The following CLIC5 variants were observed in gnomAD, a reference collection of about 807,000 sequenced individuals.
The protein encoded by CLIC5 is CLIC family member 5.
CLIC5 carries 20 observed loss-of-function variants against 24.7 expected under a neutral mutation model. The ratio of observed to expected loss-of-function variants is 0.81; its 90% CI spans 0.57 to 1.18. CLIC5 has a LOEUF of 1.18. CLIC5 is among the 50% of genes most tolerant of loss of function. CLIC5 has a pLI of 0.00. For missense variants in CLIC5, 341 were observed against 326.1 expected (o/e 1.05, Z -0.35); for synonymous variants, 159 against 135.6 (o/e 1.17, Z -1.20).
chr6:46,041,409 A>G (rs1767804234), intron 1 of CLIC5, among the ~76,000 whole-genome samples: 2 of 152,198 alleles, frequency 1.3e-5, no homozygotes, highest in Admixed American at 6.5e-5. Flanking sequence ...ACTATACCTC[A>G]GTCCAAATAA....
At chr6:45,994,261 C>T (rs1766046182) in intron 1 of CLIC5, among the ~76,000 whole-genome samples, 3 of 152,088 alleles carry the variant, frequency 2.0e-5, no homozygotes, top group African/African-American at 2.4e-5. Flanking sequence ...TGATGATAGA[C>T]TGGATAAAGA....
chr6:46,017,955 A>C (rs902957642), upstream of CLIC5, among the ~76,000 whole-genome samples: 1 of 152,222 alleles, frequency 6.6e-6, no homozygotes, highest in Non-Finnish European at 1.5e-5. Context: ...ATTATAACTT[A>C]ATCAAGGTGA....
intron 1 of CLIC5, among the ~76,000 whole-genome samples, chr6:45,998,386 T>C (rs977622761): frequency 4.6e-5 from 7 of 152,124 alleles, no homozygotes; most frequent in Non-Finnish European, 8.8e-5. Context: ...ATCAAGGGAA[T>C]GATTTGTCAG....
chr6:45,941,663 A>G lies in CLIC5; in HGVS notation c.300-10T>C. ...AGCCAGTTTGGGGTACCTGGAATGG[A>G]GGATGCAGTGTTCTGTGAATCAGTA... On this transcript the variant is annotated splice_polypyrimidine_tract_variant and intron_variant, in intron 3 of 5. Coordinates refer to ENST00000339561, the MANE Select transcript of CLIC5 (RefSeq NM_016929.5). 6.2e-7 allele frequency: 1 copy of G among 1,601,338 alleles called. No homozygotes were observed. The highest frequency in any genetic ancestry group is 8.6e-7 in the Non-Finnish European group (1 of 1,168,430).
At chr6:45,895,053 C>T (rs1053651829), downstream of CLIC5, among the ~76,000 whole-genome samples, 2 of 152,024 alleles carry the variant, frequency 1.3e-5, no homozygotes, top group African/African-American at 4.8e-5. Context: ...TCCTATCTCA[C>T]TAGAAAAAGT....
chr6:46,073,084 C>A (rs1453147675), intron 1 of CLIC5, among the ~76,000 whole-genome samples: 1 of 152,140 alleles, frequency 6.6e-6, no homozygotes, highest in Non-Finnish European at 1.5e-5. Flanking sequence ...ATTCTTGGCA[C>A]AGTGCTAAGA....
rs79157994 is a variant in CLIC5 at position 45,912,191 on chromosome 6, G to A, written c.588+2037C>T. 0.011 allele frequency: 10,385 copies of A among 986,552 alleles called. 526 individuals are homozygous for A. The African/African-American group carries it at 0.12, about 12-fold the overall frequency. The allele number at this position is 986,552 out of a possible 1,614,324, so 61.1% of individuals were successfully genotyped here. A position where few individuals can be genotyped will look rare whatever the true frequency, so the allele number is the denominator to read the frequency against. On this transcript the variant is annotated intron_variant, in intron 5 of 5. Transcript: ENST00000339561. ...GGAGGCCTGACTTGGCTTCCCCTTC[G>A]CTCTTTGTGAACTTTAGAGGTTTGC...
At chr6:46,066,158 T>C (rs1048160016) in intron 1 of CLIC5, among the ~76,000 whole-genome samples, 4 of 152,176 alleles carry the variant, frequency 2.6e-5, no homozygotes, top group Non-Finnish European at 5.9e-5. Context: ...CTATCTTTTG[T>C]ACTTTTCAAA....
the CLIC5 span, among the ~76,000 whole-genome samples, chr6:46,111,892 GT>G: frequency 6.6e-6 from 1 of 152,098 alleles, no homozygotes; most frequent in Admixed American, 6.6e-5. Context: ...ATAAAGAGAA[GT>G]TTCCCTGCAC....
upstream of CLIC5, among the ~76,000 whole-genome samples, chr6:46,020,624 T>C (rs1343889474): frequency 6.6e-6 from 1 of 150,824 alleles, no homozygotes; most frequent in Non-Finnish European, 1.5e-5. Flanking sequence ...ATAGAGAAAA[T>C]CAATAATACT....
intron 1 of CLIC5, among the ~76,000 whole-genome samples, chr6:45,962,571 A>G (rs776208384): frequency 7.2e-5 from 11 of 151,992 alleles, no homozygotes; most frequent in Admixed American, 2.0e-4. Context: ...CCAAGTTGAT[A>G]TATAAAGTTA....
At chr6:46,121,514 C>T in the CLIC5 span, among the ~76,000 whole-genome samples, 2 of 152,196 alleles carry the variant, frequency 1.3e-5, no homozygotes, top group Non-Finnish European at 2.9e-5. Context: ...TAGGAAGAAA[C>T]TGCATCAACT....
chr6:45,941,717 A>G, intron 3 of CLIC5, 64 bp from the exon 4 acceptor site: 1 of 1,204,090 alleles, frequency 8.3e-7, no homozygotes, highest in Non-Finnish European at 1.2e-6. Flanking sequence ...GGGTGAGCCT[A>G]TCCCTATCAT....
chr6:46,011,083 GA>G (rs955869635), intron 1 of CLIC5, among the ~76,000 whole-genome samples: 8 of 152,184 alleles, frequency 5.3e-5, no homozygotes, highest in Admixed American at 6.5e-5. Context: ...CTCAATAAAT[GA>G]AAGACTAGTC....
chr6:45,901,311 T>A lies in CLIC5; in HGVS notation c.*1777A>T, dbSNP rs1331406576. ...CCTTTTCAAAGCTTTCTCAGGCTTA[T>A]AAAGTGTCCTACTGAGAAAGTTCCT... On this transcript the variant is annotated 3_prime_UTR_variant, in exon 6 of 6. Transcript: ENST00000339561. 2 of 152,188 alleles carry A rather than the reference T, an allele frequency of 1.3e-5. No individual in the cohort carries two copies. The highest frequency in any genetic ancestry group is 1.3e-4 in the Admixed American group (2 of 15,280). 9.4% of individuals were successfully genotyped at this position (152,188 alleles called of 1,614,324 possible).
intron 1 of CLIC5, among the ~76,000 whole-genome samples, chr6:46,025,313 A>C (rs1048574071): frequency 6.6e-6 from 1 of 152,216 alleles, no homozygotes; most frequent in African/African-American, 2.4e-5. Context: ...AAATGTGTAT[A>C]AGGGAGGCAC....
chr6:46,015,003 A>G (rs905947533), intron 1 of CLIC5, among the ~76,000 whole-genome samples: 1 of 152,260 alleles, frequency 6.6e-6, no homozygotes, highest in African/African-American at 2.4e-5. Flanking sequence ...AGGATCTCTG[A>G]GCGAAAGAGA....
chr6:45,981,259 G>A lies in CLIC5; in HGVS notation c.64-26015C>T, dbSNP rs527790603. Among the ~76,000 whole-genome samples, 21 of 151,886 alleles carry A rather than the reference G, an allele frequency of 1.4e-4. No homozygotes were observed. The East Asian group carries it at 1.5e-3, about 11-fold the overall frequency. On this transcript the variant is annotated intron_variant, in intron 1 of 5. Transcript: ENST00000339561. ...GTTGGAATTACAGGCATGAGCCACC[G>A]CACCTGGCCTCATTTTCTGTCTTAT...
intron 4 of CLIC5, chr6:45,918,865 T>G: frequency 9.4e-5 from 72 of 763,018 alleles, no homozygotes; most frequent in Non-Finnish European, 1.1e-4. Flanking sequence ...AAACACACAA[T>G]GAGGCTATTG....
Sources: allele counts gnomAD v4.1 joint callset (sites outside exome capture counted in the v4.1 genomes callset), GRCh38; gene constraint gnomAD v4.1.1; transcripts MANE v1.5; gene names NCBI Gene and HGNC (gene_info 2026-07-23, HGNC 2026-07-21).